Variants in DMXL1 observed in about 807,000 individuals in gnomAD.
The protein encoded by DMXL1 is Dmx like 1, also known as dmX-like protein 1.
Under a neutral mutation model 319.2 loss-of-function variants are expected in DMXL1, and 99 were observed. The ratio of observed to expected loss-of-function variants is 0.31; its 90% CI spans 0.26 to 0.37. DMXL1 has a LOEUF of 0.37. Ranked by LOEUF, DMXL1 falls within the 10% of genes least tolerant of loss-of-function variation. The probability of loss-of-function intolerance (pLI) is 1.00; values close to 1 mark genes in which losing one functional copy is unlikely to be tolerated. For synonymous variants in DMXL1, 1,385 were observed against 1,235.2 expected (o/e 1.12, Z -2.54); for missense variants, 3,745 against 3,595.6 (o/e 1.04, Z -1.06).
chr5:119,087,179 T>C (rs1753568078), intron 1 of DMXL1, among the ~76,000 whole-genome samples: 1 of 152,038 alleles, frequency 6.6e-6, no homozygotes, highest in Admixed American at 6.6e-5. Context: ...ATTTATGCTC[T>C]GATCTTTATT....
chr5:119,093,010 A>G (rs1333523210), intron 1 of DMXL1, among the ~76,000 whole-genome samples: 1 of 151,992 alleles, frequency 6.6e-6, no homozygotes, highest in Admixed American at 6.6e-5. Flanking sequence ...GAATACAGGC[A>G]TATCTTGTTT....
chr5:119,171,159 T>A lies in DMXL1; in HGVS notation c.6368T>A (p.Leu2123His), dbSNP rs567747947. 6.2e-7 allele frequency: 1 copy of A among 1,614,012 alleles called. No homozygotes were observed. The highest frequency in any genetic ancestry group is 8.5e-7 in the Non-Finnish European group (1 of 1,179,906). The change falls in exon 24 of 44, where the codon CTC becomes CAC. Residue 2123 changes from leucine (L) to histidine (H), a missense_variant. Leu to His is a moderately conservative substitution (Grantham distance 99). This residue lies in a region of DMXL1 where 1,382 missense variants were observed against 1,269.5 expected (regional missense o/e 1.09). Transcript: ENST00000539542. ...RENFQEKRQW[L>H]LKYQSLLRMF... is the part of the protein sequence containing the mutation. ...AATTTTCAGGAAAAAAGACAGTGGC[T>A]CTTGAAGTATCAGTCACTTTTGAGA...
chr5:119,159,893 G>T (rs113403026), intron 19 of DMXL1, among the ~76,000 whole-genome samples: 45 of 152,312 alleles, frequency 3.0e-4, no homozygotes, highest in African/African-American at 1.0e-3. Flanking sequence ...TAAAGTGCTG[G>T]TATTACAGGC....
chr5:119,150,495 AATG>A (rs1769532319), intron 18 of DMXL1, 74 bp downstream of exon 18: 1 of 1,463,980 alleles, frequency 6.8e-7, no homozygotes, highest in African/African-American at 1.4e-5. Flanking sequence ...TTTTTATTAA[AATG>A]ATGCCATTGG....
intron 5 of DMXL1, among the ~76,000 whole-genome samples, chr5:119,112,582 T>C (rs1759885845): frequency 6.6e-6 from 1 of 152,168 alleles, no homozygotes; most frequent in Non-Finnish European, 1.5e-5. Context: ...AAGGAGCTCG[T>C]TCCATGTATT....
chr5:119,111,984 G>T (rs1191547237), intron 5 of DMXL1, among the ~76,000 whole-genome samples: 3 of 150,752 alleles, frequency 2.0e-5, no homozygotes, highest in Non-Finnish European at 2.9e-5. Context: ...TTTTTGAGAC[G>T]AAGTCTCGCT....
intron 19 of DMXL1, among the ~76,000 whole-genome samples, chr5:119,161,348 G>A (rs945102877): frequency 6.6e-6 from 1 of 152,246 alleles, no homozygotes. Context: ...CTGGGTTACA[G>A]GATGTGTTCT....
chr5:119,221,206 G>A, intron 37 of DMXL1, 125 bp downstream of exon 37: 1 of 617,720 alleles, frequency 1.6e-6, no homozygotes, highest in Non-Finnish European at 2.6e-6. Context: ...CTTACATGTT[G>A]GAAATTGTAA....
At chr5:119,133,448 C>G (rs1765360355) in intron 11 of DMXL1, 46 bp from the exon 12 acceptor site, 17 of 1,576,616 alleles carry the variant, frequency 1.1e-5, no homozygotes, top group African/African-American at 2.7e-5. Flanking sequence ...TCTAATACCT[C>G]TTTATATAAT....
chr5:119,241,690 G>A (rs1414987073), intron 42 of DMXL1, among the ~76,000 whole-genome samples: 2 of 152,118 alleles, frequency 1.3e-5, no homozygotes, highest in Non-Finnish European at 2.9e-5. Flanking sequence ...AGCATTACTA[G>A]TGGCATGTTG....
Position 119,089,999 on chromosome 5 carries a change from C to CTTTTTTTTTTTTTTTTTTTTTTTTTTTTT in DMXL1, c.88-7970_88-7942dup, listed in dbSNP as rs70982467. 5.8e-5 allele frequency among the ~76,000 whole-genome samples: 2 copies of CTTTTTTTTTTTTTTTTTTTTTTTTTTTTT among 34,402 alleles called. 1 individual carries two copies. The highest frequency in any genetic ancestry group is 2.1e-4 in the African/African-American group (2 of 9,660). The allele number at this position is 34,402 out of a possible 152,430, so 22.6% of individuals were successfully genotyped here. A position where few individuals can be genotyped will look rare whatever the true frequency, so the allele number is the denominator to read the frequency against. On this transcript the variant is annotated intron_variant, in intron 1 of 43. Transcript: ENST00000539542. ...TGATTATTTTATGCTTCGGGTTAGT[C>CTTTTTTTTTTTTTTTTTTTTTTTTTTTTT]TTTTTTTTTTTTTTTTTTTTTTTTT...
intron 1 of DMXL1, among the ~76,000 whole-genome samples, chr5:119,082,363 T>G (rs1752438018): frequency 6.6e-6 from 1 of 151,992 alleles, no homozygotes; most frequent in African/African-American, 2.4e-5. Flanking sequence ...AGCTTCAACT[T>G]CCTTGGCTCA....
chr5:119,203,947 C>T (rs1781285764), intron 33 of DMXL1, among the ~76,000 whole-genome samples: 3 of 152,036 alleles, frequency 2.0e-5, no homozygotes, highest in Admixed American at 6.6e-5. Flanking sequence ...CTCAGCCTCC[C>T]GAGTAGCTGG....
At chr5:119,127,575 A>G (rs1397071123) in intron 9 of DMXL1, among the ~76,000 whole-genome samples, 1 of 152,086 alleles carries the variant, frequency 6.6e-6, no homozygotes, top group East Asian at 1.9e-4. Flanking sequence ...AGTAATTGGG[A>G]TTACAGGCAC....
rs1319005025 is a variant in DMXL1, at chr5:119,167,458, A to G, written c.5137-145A>G. 9.0e-6 allele frequency: 6 copies of G among 667,582 alleles called. No individual in the cohort carries two copies. In the East Asian group the frequency reaches 1.4e-4, roughly 16 times the overall value. The allele number at this position is 667,582 out of a possible 1,614,324, so 41.4% of individuals were successfully genotyped here. A position where few individuals can be genotyped will look rare whatever the true frequency, so the allele number is the denominator to read the frequency against. ...GATTTGCTAAAATCTAAAAGCAAGC[A>G]GCATATGTTTTGTTTCTTATCCTTC... On this transcript the variant is annotated intron_variant, in intron 22 of 43. Coordinates refer to ENST00000539542, the MANE Select transcript of DMXL1 (RefSeq NM_001290321.3).
At chr5:119,102,282 C>T (rs779376816) in intron 3 of DMXL1, 6 of 259,324 alleles carry the variant, frequency 2.3e-5, no homozygotes, top group Non-Finnish European at 3.6e-5. Flanking sequence ...TAAAGTTTGG[C>T]ACTACTTTAT....
chr5:119,185,069 A>G (rs902700459), intron 28 of DMXL1, among the ~76,000 whole-genome samples: 7 of 151,910 alleles, frequency 4.6e-5, no homozygotes, highest in African/African-American at 1.5e-4. Flanking sequence ...ACATTGACAA[A>G]ATTTAGTTTC....
intron 38 of DMXL1, 121 bp from the exon 39 acceptor site, chr5:119,233,219 G>A (rs1787109737): frequency 2.0e-6 from 2 of 1,001,162 alleles, no homozygotes; most frequent in East Asian, 5.0e-5. Flanking sequence ...TCATACAAAG[G>A]TAAATTTATA....
intron 1 of DMXL1, among the ~76,000 whole-genome samples, chr5:119,086,990 A>G (rs940053863): frequency 2.6e-5 from 4 of 151,822 alleles, no homozygotes; most frequent in Admixed American, 1.3e-4. Context: ...ATTTGCTGGT[A>G]TATGGTTGTT....
Sources: allele counts gnomAD v4.1 joint callset (sites outside exome capture counted in the v4.1 genomes callset), GRCh38; gene constraint gnomAD v4.1.1; regional missense constraint gnomAD v4.1.1; transcripts MANE v1.5; gene names NCBI Gene and HGNC (gene_info 2026-07-23, HGNC 2026-07-21).